Variants in MALRD1 observed in about 807,000 individuals in gnomAD.
MALRD1 encodes the protein MAM and LDL-receptor class A domain-containing protein 1.
In MALRD1, 247 loss-of-function variants were observed where a neutral mutation model predicts 242.1. The observed-to-expected ratio is 1.02, with a 90% confidence interval of 0.92 to 1.13. The LOEUF (loss-of-function observed/expected upper bound fraction) is 1.13, where lower values mean the gene tolerates loss of function less well. Ranked by LOEUF, MALRD1 falls within the 50% of genes most tolerant of loss-of-function variation. The probability of loss-of-function intolerance (pLI) is 0.00; values close to 1 mark genes in which losing one functional copy is unlikely to be tolerated. For missense variants in MALRD1, 2,989 were observed against 2,533.1 expected (o/e 1.18, Z -3.86); for synonymous variants, 995 against 866.6 (o/e 1.15, Z -2.60).
chr10:19,279,438 C>T (rs184017062), intron 19 of MALRD1, among the ~76,000 whole-genome samples: 2 of 152,226 alleles, frequency 1.3e-5, no homozygotes, highest in Admixed American at 6.5e-5. Flanking sequence ...GCATCTACCA[C>T]GTGTATGGCA....
At chr10:19,067,605 G>A (rs953188866) in intron 2 of MALRD1, among the ~76,000 whole-genome samples, 1 of 152,094 alleles carries the variant, frequency 6.6e-6, no homozygotes, top group Non-Finnish European at 1.5e-5. Flanking sequence ...GGCATTGGAT[G>A]TTAGTTTGGC....
chr10:19,535,261 A>G (rs1417838808), intron 32 of MALRD1, among the ~76,000 whole-genome samples: 1 of 152,148 alleles, frequency 6.6e-6, no homozygotes, highest in East Asian at 1.9e-4. Flanking sequence ...GAATTACTCA[A>G]ATATAGTACA....
intron 33 of MALRD1, among the ~76,000 whole-genome samples, chr10:19,592,693 T>A (rs2131550792): frequency 6.6e-6 from 1 of 151,878 alleles, no homozygotes; most frequent in Admixed American, 6.6e-5. Flanking sequence ...GAGAAAATTT[T>A]ATTTTTGCAT....
intron 18 of MALRD1, among the ~76,000 whole-genome samples, chr10:19,219,634 A>G (rs1006012718): frequency 2.0e-5 from 3 of 152,092 alleles, no homozygotes; most frequent in African/African-American, 7.2e-5. Flanking sequence ...ATGTTGCCCA[A>G]GCTGGTCTCA....
chr10:19,477,876 G>T (rs1836812181), intron 29 of MALRD1, among the ~76,000 whole-genome samples: 1 of 152,162 alleles, frequency 6.6e-6, no homozygotes, highest in African/African-American at 2.4e-5. Flanking sequence ...TCACCATGTT[G>T]TCTGTTCATT....
intron 36 of MALRD1, among the ~76,000 whole-genome samples, chr10:19,655,528 G>GTATATA (rs1491324992): frequency 6.8e-5 from 7 of 102,940 alleles, no homozygotes; most frequent in African/African-American, 2.5e-4. Flanking sequence ...ATATGTGTGA[G>GTATATA]TGTATATATA....
At chr10:19,112,620 T>C (rs1346418235) in intron 5 of MALRD1, among the ~76,000 whole-genome samples, 1 of 152,132 alleles carries the variant, frequency 6.6e-6, no homozygotes, top group Non-Finnish European at 1.5e-5. Context: ...ATCTCAAATT[T>C]TGGGCAGGAA....
intron 28 of MALRD1, among the ~76,000 whole-genome samples, chr10:19,429,379 G>T (rs1316088329): frequency 6.6e-6 from 1 of 151,930 alleles, no homozygotes; most frequent in African/African-American, 2.4e-5. Context: ...AGACCAGCCT[G>T]GTGGTGAAAC....
intron 18 of MALRD1, among the ~76,000 whole-genome samples, chr10:19,255,738 C>T (rs1012779945): frequency 4.0e-5 from 6 of 151,706 alleles, no homozygotes; most frequent in South Asian, 2.1e-4. Context: ...TAGAGCAAAC[C>T]CAACTGTCTT....
At chr10:19,146,668 A>AT (rs1442179044) in intron 11 of MALRD1, among the ~76,000 whole-genome samples, 2 of 152,298 alleles carry the variant, frequency 1.3e-5, no homozygotes, top group African/African-American at 2.4e-5. Flanking sequence ...GAGCAATCCA[A>AT]TTTTTTCAAA....
intron 29 of MALRD1, among the ~76,000 whole-genome samples, chr10:19,458,552 A>T (rs1420247978): frequency 6.6e-6 from 1 of 152,164 alleles, no homozygotes; most frequent in Non-Finnish European, 1.5e-5. Context: ...CTTTTTGAAA[A>T]TGTATCACCG....
chr10:19,298,079 C>T (rs979351674), intron 21 of MALRD1, among the ~76,000 whole-genome samples: 1 of 151,972 alleles, frequency 6.6e-6, no homozygotes, highest in Non-Finnish European at 1.5e-5. Flanking sequence ...TCATGGTCTG[C>T]AGACTGCACA....
At chr10:19,260,042 G>T (rs1281082278) in intron 19 of MALRD1, among the ~76,000 whole-genome samples, 1 of 152,148 alleles carries the variant, frequency 6.6e-6, no homozygotes, top group African/African-American at 2.4e-5. Flanking sequence ...TTGTTGGATG[G>T]ATAAGTAGGT....
chr10:19,343,810 C>T (rs1009816428), intron 24 of MALRD1, among the ~76,000 whole-genome samples: 9 of 152,098 alleles, frequency 5.9e-5, no homozygotes, highest in Admixed American at 2.6e-4. Flanking sequence ...AGTGTTTCCA[C>T]GTCCTTGTGA....
chr10:19,254,825 G>A (rs890779139), intron 18 of MALRD1, among the ~76,000 whole-genome samples: 31 of 151,902 alleles, frequency 2.0e-4, no homozygotes, highest in African/African-American at 7.5e-4. Context: ...TTGGAATTGT[G>A]TAATATTTTA....
chr10:19,257,729 G>A lies in MALRD1; in HGVS notation c.3037G>A (p.Ala1013Thr). ...GGGAGATGGCTTCACTGGAGATATT[G>A]CGATTGATGATCTGTCATTTATGGA... ...SVGDGFTGDI[A>T]IDDLSFMDCT... is the part of the protein sequence containing the mutation. Residue 1013 changes from alanine (A) to threonine (T), a missense_variant, in exon 19 of 40, where the codon GCG becomes ACG. Coordinates refer to ENST00000454679, the MANE Select transcript of MALRD1 (RefSeq NM_001142308.3). 2 of 1,542,194 alleles carry A rather than the reference G, an allele frequency of 1.3e-6. No homozygotes were observed. Among genetic ancestry groups the A allele is most frequent in the South Asian group, 1.2e-5 (1 of 82,460 alleles).
intron 18 of MALRD1, among the ~76,000 whole-genome samples, chr10:19,242,038 G>A (rs972495215): frequency 6.6e-6 from 1 of 152,072 alleles, no homozygotes; most frequent in African/African-American, 2.4e-5. Context: ...TGCAGCTGTT[G>A]GATGATGTAT....
intron 26 of MALRD1, among the ~76,000 whole-genome samples, chr10:19,358,822 G>A (rs1278616935): frequency 6.6e-6 from 1 of 152,094 alleles, no homozygotes; most frequent in Non-Finnish European, 1.5e-5. Flanking sequence ...TTTCTTAAAA[G>A]GATATTTTAT....
intron 29 of MALRD1, among the ~76,000 whole-genome samples, chr10:19,477,985 G>A (rs1259481741): frequency 1.3e-5 from 2 of 152,138 alleles, no homozygotes; most frequent in African/African-American, 2.4e-5. Context: ...GCCGGCATTC[G>A]CCTGTGCAAG....
Sources: allele counts gnomAD v4.1 joint callset (sites outside exome capture counted in the v4.1 genomes callset), GRCh38; gene constraint gnomAD v4.1.1; transcripts MANE v1.5; gene names NCBI Gene and HGNC (gene_info 2026-07-23, HGNC 2026-07-21).